SLC13A3: variants seen among roughly 807,000 people sequenced by gnomAD.
The protein encoded by SLC13A3 is Na(+)/dicarboxylate cotransporter 3.
SLC13A3 carries 40 observed loss-of-function variants against 59.0 expected under a neutral mutation model. That is an observed-to-expected ratio of 0.68 (90% confidence interval 0.53 to 0.88). The LOEUF is 0.88. SLC13A3 is among the 40% of genes least tolerant of loss of function. The probability of loss-of-function intolerance (pLI) is 0.00; values close to 1 mark genes in which losing one functional copy is unlikely to be tolerated. For missense variants in SLC13A3, 699 were observed against 783.2 expected, an observed-to-expected ratio of 0.89 and a Z score of 1.28; for synonymous variants, 317 against 330.3, an observed-to-expected ratio of 0.96 and a Z score of 0.44.
upstream of SLC13A3, among the ~76,000 whole-genome samples, chr20:46,654,845 A>G (rs1600620835): frequency 6.6e-6 from 1 of 152,212 alleles, no homozygotes; most frequent in Non-Finnish European, 1.5e-5. Flanking sequence ...ACTTCCTTTA[A>G]TCATTCTTTG....
At chr20:46,632,932 T>C (rs374506244) in intron 1 of SLC13A3, among the ~76,000 whole-genome samples, 6 of 84,754 alleles carry the variant, frequency 7.1e-5, no homozygotes, top group Admixed American at 2.3e-4. Flanking sequence ...TCTATCTATC[T>C]ATCTATCTAT....
intron 8 of SLC13A3, chr20:46,584,265 C>T (rs747529426): frequency 9.1e-6 from 9 of 985,480 alleles, no homozygotes; most frequent in South Asian, 4.7e-5. Flanking sequence ...GCAGAAACAA[C>T]TTGTTCAAGG....
chr20:46,648,301 C>T (rs1185306918), intron 1 of SLC13A3, among the ~76,000 whole-genome samples: 1 of 151,712 alleles, frequency 6.6e-6, no homozygotes, highest in African/African-American at 2.4e-5. Context: ...ATGATGTTTT[C>T]TAAGGATACT....
intron 10 of SLC13A3, among the ~76,000 whole-genome samples, chr20:46,570,953 T>G (rs1406209372): frequency 6.6e-6 from 1 of 152,162 alleles, no homozygotes; most frequent in Non-Finnish European, 1.5e-5. Context: ...GGGTAATTTA[T>G]AAAGGAAAGA....
At chr20:46,566,446 C>T in intron 10 of SLC13A3, 56 bp from the exon 11 acceptor site, 5 of 1,573,230 alleles carry the variant, frequency 3.2e-6, no homozygotes, top group Non-Finnish European at 4.3e-6. Context: ...TGCCGCCCCC[C>T]AGAGAGGGTT....
intron 1 of SLC13A3, among the ~76,000 whole-genome samples, chr20:46,621,309 T>C (rs2062611987): frequency 6.6e-6 from 1 of 152,190 alleles, no homozygotes; most frequent in Admixed American, 6.5e-5. Flanking sequence ...ATGGTCCTGA[T>C]ATGGTTTCTT....
intron 5 of SLC13A3, among the ~76,000 whole-genome samples, chr20:46,595,307 T>TTCTTTTC (rs770886292): frequency 6.6e-6 from 1 of 152,232 alleles, no homozygotes; most frequent in Non-Finnish European, 1.5e-5. Context: ...GGAACATCTT[T>TTCTTTTC]TCTTTTCTCT....
rs1198320397 is a variant in SLC13A3 at position 46,589,186 on chromosome 20, T to C, written c.990A>G (p.Glu330=). 9 of 1,614,234 alleles carry C rather than the reference T, an allele frequency of 5.6e-6. No homozygotes were observed. The Admixed American group carries it at 1.5e-4, about 27-fold the overall frequency. The part of the protein sequence containing the change: ...AEDRARAVIR[E]EYQNLGPIKF... Reference sequence around the variant, plus strand: ...TGATGGGCCCCAGGTTCTGGTATTCTTCCCGAATTACAGCTCGAGCCCTAT... The same window carrying C: ...TGATGGGCCCCAGGTTCTGGTATTCCTCCCGAATTACAGCTCGAGCCCTAT... The change falls in exon 7 of 13, where the codon GAA becomes GAG. Residue 330 remains glutamate (E), a synonymous_variant. Transcript: ENST00000279027.
intron 1 of SLC13A3, chr20:46,682,240 T>C (rs1394536582): frequency 6.6e-6 from 1 of 152,232 alleles, no homozygotes; most frequent in African/African-American, 2.4e-5. Context: ...CTGTCTGATT[T>C]GTAAATAAAG....
chr20:46,611,825 G>A (rs6094395), intron 2 of SLC13A3, among the ~76,000 whole-genome samples: 28 of 151,826 alleles, frequency 1.8e-4, no homozygotes, highest in African/African-American at 6.5e-4. Flanking sequence ...GAAATGAGAC[G>A]TATTTGAAAT....
intron 1 of SLC13A3, among the ~76,000 whole-genome samples, chr20:46,680,451 G>A (rs544958358): frequency 1.1e-3 from 167 of 152,306 alleles, no homozygotes; most frequent in Non-Finnish European, 2.1e-3. Flanking sequence ...ATGGATGTGC[G>A]ACCCAGATCC....
chr20:46,675,515 G>A (rs1382881801), intron 1 of SLC13A3, among the ~76,000 whole-genome samples: 1 of 149,670 alleles, frequency 6.7e-6, no homozygotes, highest in Non-Finnish European at 1.5e-5. Flanking sequence ...CAAAGTGTTA[G>A]GATTACAGGC....
chr20:46,655,803 A>G (rs1233047678), upstream of SLC13A3, among the ~76,000 whole-genome samples: 1 of 144,840 alleles, frequency 6.9e-6, no homozygotes, highest in Non-Finnish European at 1.5e-5. Context: ...TATATAATAT[A>G]TAATACTGTA....
At chr20:46,589,364 C>A (rs958507278) in intron 6 of SLC13A3, 109 bp from the exon 7 acceptor site, 5 of 797,108 alleles carry the variant, frequency 6.3e-6, no homozygotes, top group Non-Finnish European at 1.1e-5. Flanking sequence ...GTCCGGGAGG[C>A]TGCAACTGCC....
intron 1 of SLC13A3, among the ~76,000 whole-genome samples, chr20:46,633,235 G>A (rs563876484): frequency 1.8e-4 from 28 of 152,126 alleles, no homozygotes; most frequent in Non-Finnish European, 3.4e-4. Flanking sequence ...AACCTGGAAA[G>A]AAGAGACAGA....
chr20:46,600,104 G>A, intron 3 of SLC13A3, 67 bp from the exon 4 acceptor site: 1 of 1,233,946 alleles, frequency 8.1e-7, no homozygotes, highest in East Asian at 2.6e-5. Context: ...CCCAAATCTT[G>A]TGAAGTCAGT....
At chr20:46,660,654 C>T (rs2063023962) in intron 1 of SLC13A3, among the ~76,000 whole-genome samples, 2 of 152,200 alleles carry the variant, frequency 1.3e-5, no homozygotes, top group East Asian at 3.9e-4. Context: ...TGCTGAGCTG[C>T]TTGGATCTGT....
intron 1 of SLC13A3, among the ~76,000 whole-genome samples, chr20:46,639,421 T>C (rs1219408164): frequency 6.6e-6 from 1 of 152,052 alleles, no homozygotes; most frequent in African/African-American, 2.4e-5. Flanking sequence ...ATCGTGCCAC[T>C]GCACTCCAGC....
At chr20:46,656,452 G>A (rs1476502024), upstream of SLC13A3, among the ~76,000 whole-genome samples, 1 of 80,964 alleles carries the variant, frequency 1.2e-5, no homozygotes, top group East Asian at 3.4e-4. Context: ...ATATTATACT[G>A]TATATGATAT....
Sources: allele counts gnomAD v4.1 joint callset (sites outside exome capture counted in the v4.1 genomes callset), GRCh38; gene constraint gnomAD v4.1.1; transcripts MANE v1.5; gene names NCBI Gene and HGNC (gene_info 2026-07-23, HGNC 2026-07-21).